The following DCDC1 variants were observed in gnomAD, a reference collection of about 807,000 sequenced individuals.
The protein encoded by DCDC1 is doublecortin domain-containing protein 1.
In DCDC1, 200 loss-of-function variants were observed where a neutral mutation model predicts 178.3. The observed-to-expected ratio is 1.12, with a 90% CI of 1.00 to 1.26. The LOEUF (loss-of-function observed/expected upper bound fraction) is 1.26, where lower values mean the gene tolerates loss of function less well. DCDC1 is among the 50% of genes most tolerant of loss of function. The pLI is 0.00. For missense variants in DCDC1, 1,983 were observed against 1,749.2 expected (o/e 1.13, Z -2.38); for synonymous variants, 690 against 604.8 (o/e 1.14, Z -2.07).
intron 17 of DCDC1, among the ~76,000 whole-genome samples, chr11:31,086,908 T>C (rs1342337497): frequency 6.6e-6 from 1 of 152,176 alleles, no homozygotes; most frequent in African/African-American, 2.4e-5. Flanking sequence ...TAGAATCAGA[T>C]GGGAAGTATT....
chr11:30,918,484 G>T (rs1946018872), intron 25 of DCDC1, among the ~76,000 whole-genome samples: 1 of 152,170 alleles, frequency 6.6e-6, no homozygotes, highest in South Asian at 2.1e-4. Flanking sequence ...GCCATAAGTT[G>T]AATAAAATAG....
At chr11:31,139,486 G>T (rs906143815) in intron 9 of DCDC1, among the ~76,000 whole-genome samples, 1 of 152,188 alleles carries the variant, frequency 6.6e-6, no homozygotes, top group East Asian at 1.9e-4. Flanking sequence ...CTCTCATCTC[G>T]AGAGGAAACG....
At chr11:30,895,386 G>A (rs1343161990) in intron 34 of DCDC1, among the ~76,000 whole-genome samples, 1 of 152,154 alleles carries the variant, frequency 6.6e-6, no homozygotes, top group Non-Finnish European at 1.5e-5. Flanking sequence ...AACCTAGTCT[G>A]AGGCACAACA....
chr11:31,033,480 C>T (rs1313791469), intron 20 of DCDC1, among the ~76,000 whole-genome samples: 2 of 151,926 alleles, frequency 1.3e-5, no homozygotes, highest in African/African-American at 2.4e-5. Flanking sequence ...GTTGTTTCTT[C>T]TCTCCCATTC....
chr11:30,873,032 A>C (rs1941730791), intron 38 of DCDC1, among the ~76,000 whole-genome samples: 1 of 150,336 alleles, frequency 6.7e-6, no homozygotes, highest in Admixed American at 6.7e-5. Flanking sequence ...GTATATATAT[A>C]TTCATGCATA....
intron 21 of DCDC1, among the ~76,000 whole-genome samples, chr11:30,941,064 T>TA (rs1260868757): frequency 6.6e-6 from 1 of 152,182 alleles, no homozygotes; most frequent in Non-Finnish European, 1.5e-5. Context: ...ATTTTTAACT[T>TA]AATCTATCAG....
rs756194581 is a variant in DCDC1, at chr11:30,903,624, G to A, written c.4368C>T (p.Thr1456=). 4 of 1,611,240 alleles carry A rather than the reference G, an allele frequency of 2.5e-6. No homozygotes were observed. In the South Asian group the frequency reaches 4.4e-5, roughly 18 times the overall value. Residue 1456 remains threonine, a synonymous_variant, in exon 32 of 39, where the codon ACC becomes ACT. Transcript: ENST00000684477. ...AGGTAAAGATTGGGGTTCCATCTTT[G>A]GTATATACTTTGGAGGCTGCTCTGG... ...GLARAASKVY[T]KDGTPIFTLR...
intron 8 of DCDC1, among the ~76,000 whole-genome samples, chr11:31,252,150 G>A (rs1944082932): frequency 6.6e-6 from 1 of 152,178 alleles, no homozygotes; most frequent in South Asian, 2.1e-4. Flanking sequence ...ATAATCTAAA[G>A]CAGGACTATT....
intron 34 of DCDC1, among the ~76,000 whole-genome samples, chr11:30,895,885 T>C (rs1357619177): frequency 6.6e-6 from 1 of 152,166 alleles, no homozygotes; most frequent in Non-Finnish European, 1.5e-5. Context: ...ATAAATAACA[T>C]TTCAACAAAT....
chr11:30,884,032 C>CTTTTTTTTTTTTT (rs1565023304), intron 36 of DCDC1, among the ~76,000 whole-genome samples: 1 of 47,900 alleles, frequency 2.1e-5, no homozygotes, highest in African/African-American at 1.4e-4. Context: ...CATTCTTTCT[C>CTTTTTTTTTTTTT]ATTTTTTTTT....
intron 9 of DCDC1, among the ~76,000 whole-genome samples, chr11:31,192,895 A>G (rs550888386): frequency 1.3e-5 from 2 of 152,226 alleles, no homozygotes; most frequent in South Asian, 4.1e-4. Context: ...AGTGATCATC[A>G]TACAATTCCT....
chr11:31,189,922 G>T (rs1231694196), intron 9 of DCDC1, among the ~76,000 whole-genome samples: 1 of 152,188 alleles, frequency 6.6e-6, no homozygotes, highest in Non-Finnish European at 1.5e-5. Flanking sequence ...CATCTTTGAA[G>T]TGCCATTATT....
intron 7 of DCDC1, among the ~76,000 whole-genome samples, chr11:31,273,075 A>C (rs1199032297): frequency 6.6e-6 from 1 of 152,118 alleles, no homozygotes; most frequent in Non-Finnish European, 1.5e-5. Flanking sequence ...CCGGCCCACG[A>C]ACCATTTTTT....
intron 20 of DCDC1, among the ~76,000 whole-genome samples, chr11:30,984,866 CTG>C (rs1314287121): frequency 6.6e-6 from 1 of 152,176 alleles, no homozygotes. Flanking sequence ...GGAGAAGAGA[CTG>C]GAGAAGGAGA....
chr11:30,915,468 T>G, intron 27 of DCDC1, 43 bp downstream of exon 27: 1 of 1,604,484 alleles, frequency 6.2e-7, no homozygotes, highest in Non-Finnish European at 8.5e-7. Context: ...ATTAGGATCC[T>G]ATTCACCTTT....
chr11:31,268,808 T>C (rs1945352353), intron 7 of DCDC1, among the ~76,000 whole-genome samples: 1 of 152,246 alleles, frequency 6.6e-6, no homozygotes, highest in African/African-American at 2.4e-5. Flanking sequence ...CTTTCCACAG[T>C]AGCTGAACTA....
chr11:31,143,271 C>T (rs568694549), intron 9 of DCDC1, among the ~76,000 whole-genome samples: 19 of 151,926 alleles, frequency 1.3e-4, no homozygotes, highest in African/African-American at 1.9e-4. Context: ...AGTGGTAATA[C>T]GGGGCATTAT....
At chr11:31,276,881 GAGA>G (rs1235134294) in intron 7 of DCDC1, among the ~76,000 whole-genome samples, 1 of 152,078 alleles carries the variant, frequency 6.6e-6, no homozygotes, top group Admixed American at 6.6e-5. Context: ...GAATGTGAAT[GAGA>G]AGTAGATAAC....
chr11:30,934,927 TTTA>T, intron 21 of DCDC1, among the ~76,000 whole-genome samples: 1 of 152,312 alleles, frequency 6.6e-6, no homozygotes, highest in South Asian at 2.1e-4. Flanking sequence ...TGGTAAAGTG[TTTA>T]TTAGGGTCTG....
Sources: allele counts gnomAD v4.1 joint callset (sites outside exome capture counted in the v4.1 genomes callset), GRCh38; gene constraint gnomAD v4.1.1; transcripts MANE v1.5; gene names NCBI Gene and HGNC (gene_info 2026-07-23, HGNC 2026-07-21).